SUMF1: variants seen among roughly 807,000 people sequenced by gnomAD.
SUMF1 encodes the protein sulfatase modifying factor 1.
A neutral mutation model predicts 47.6 loss-of-function variants in SUMF1; 48 were observed. The ratio of observed to expected loss-of-function variants is 1.01; its 90% CI spans 0.80 to 1.28. The LOEUF is 1.28. Ranked by LOEUF, SUMF1 falls within the 50% of genes most tolerant of loss-of-function variation. The pLI, the probability that SUMF1 is intolerant of heterozygous loss-of-function variation, is 0.00. For missense variants in SUMF1, 571 were observed against 485.4 expected, an observed-to-expected ratio of 1.18 and a Z score of -1.66; for synonymous variants, 230 against 192.1, an observed-to-expected ratio of 1.20 and a Z score of -1.63.
chr3:4,432,765 T>C (rs1702274082), intron 3 of SUMF1, among the ~76,000 whole-genome samples: 1 of 152,222 alleles, frequency 6.6e-6, no homozygotes, highest in Admixed American at 6.5e-5. Flanking sequence ...TGTTCCTTAT[T>C]AGAATTATAA....
intron 7 of SUMF1, among the ~76,000 whole-genome samples, chr3:4,380,192 G>A (rs1418541047): frequency 2.0e-5 from 3 of 152,144 alleles, no homozygotes; most frequent in Non-Finnish European, 4.4e-5. Context: ...GCAGTGGACT[G>A]GATAAAGAAA....
At chr3:4,436,574 G>A (rs1311523572) in intron 3 of SUMF1, among the ~76,000 whole-genome samples, 1 of 150,512 alleles carries the variant, frequency 6.6e-6, no homozygotes, top group Non-Finnish European at 1.5e-5. Flanking sequence ...AAAAATAATG[G>A]TTAAGAGTAG....
intron 8 of SUMF1, among the ~76,000 whole-genome samples, chr3:4,164,005 T>C (rs916520757): frequency 6.6e-6 from 1 of 152,130 alleles, no homozygotes; most frequent in African/African-American, 2.4e-5. Flanking sequence ...ATTTGATGAA[T>C]AGCTTGATGG....
At chr3:4,170,189 C>G (rs1292245994) in intron 8 of SUMF1, among the ~76,000 whole-genome samples, 1 of 152,080 alleles carries the variant, frequency 6.6e-6, no homozygotes, top group Non-Finnish European at 1.5e-5. Flanking sequence ...TTACAGAGAC[C>G]ACAGGGCCTG....
chr3:4,203,214 G>C (rs1180235228), intron 8 of SUMF1, among the ~76,000 whole-genome samples: 1 of 151,870 alleles, frequency 6.6e-6, no homozygotes, highest in Admixed American at 6.6e-5. Context: ...TATTGTATTG[G>C]GGTCTATCTT....
chr3:4,322,264 G>A (rs1296221925), intron 8 of SUMF1, among the ~76,000 whole-genome samples: 1 of 151,892 alleles, frequency 6.6e-6, no homozygotes, highest in Non-Finnish European at 1.5e-5. Flanking sequence ...TATCAATATT[G>A]GTTCTTAATT....
chr3:4,252,852 T>C (rs1039589883), intron 8 of SUMF1, among the ~76,000 whole-genome samples: 3 of 152,174 alleles, frequency 2.0e-5, no homozygotes, highest in Non-Finnish European at 4.4e-5. Flanking sequence ...AATTTGCACC[T>C]GTTTTTAATA....
Position 4,065,897 on chromosome 3 carries a change from C to G in SUMF1, c.1191+2672G>C, listed in dbSNP as rs2125030517. 2.6e-5 allele frequency among the ~76,000 whole-genome samples: 4 copies of G among 152,204 alleles called. 1 individual carries two copies. The South Asian group carries it at 8.3e-4, about 32-fold the overall frequency. The stretch of plus-strand genomic sequence containing the variant: ...TATGGCTTTCCATGGAGTGAGGAAC[C>G]AACCCTTGTGATATGACAGGGGAAA... On this transcript the variant is annotated intron_variant and NMD_transcript_variant, in intron 9 of 12. Coordinates refer to the SUMF1 transcript ENST00000448413.
At chr3:4,270,200 G>C (rs1697275658) in intron 8 of SUMF1, among the ~76,000 whole-genome samples, 1 of 151,854 alleles carries the variant, frequency 6.6e-6, no homozygotes, top group African/African-American at 2.4e-5. Flanking sequence ...AATGACCTTG[G>C]GCTCCTTATA....
intron 7 of SUMF1, among the ~76,000 whole-genome samples, chr3:4,408,366 G>C (rs1378827792): frequency 2.0e-5 from 3 of 152,130 alleles, no homozygotes; most frequent in South Asian, 2.1e-4. Context: ...ACAGTAAACT[G>C]TTAACATTAT....
chr3:4,195,932 A>T (rs572489481), intron 8 of SUMF1, among the ~76,000 whole-genome samples: 1 of 152,236 alleles, frequency 6.6e-6, no homozygotes, highest in African/African-American at 2.4e-5. Flanking sequence ...CACTAAGATT[A>T]CAAGGAAACA....
chr3:4,111,921 ATAATGT>A lies in SUMF1; in HGVS notation c.1015-43182_1015-43177del, dbSNP rs374522842. ...AGAGAAATTCTGGAGGAAATTTATA[ATAATGT>A]TAAAGAAAAAGTTGGTCACAAAGTG... On this transcript the variant is annotated intron_variant and NMD_transcript_variant, in intron 8 of 12. Transcript: ENST00000448413. 1.2e-3 allele frequency among the ~76,000 whole-genome samples: 183 copies of A among 152,276 alleles called. 3 individuals carry two copies. The highest frequency in any genetic ancestry group is 4.1e-3 in the African/African-American group (169 of 41,528).
chr3:4,379,649 C>T (rs932149450), intron 7 of SUMF1, among the ~76,000 whole-genome samples: 46 of 152,176 alleles, frequency 3.0e-4, no homozygotes, highest in Admixed American at 6.5e-4. Flanking sequence ...GGAGCCCACC[C>T]TGGCCAATAT....
intron 8 of SUMF1, among the ~76,000 whole-genome samples, chr3:4,076,470 C>G (rs1692436930): frequency 6.6e-6 from 1 of 152,000 alleles, no homozygotes; most frequent in East Asian, 1.9e-4. Flanking sequence ...AAAGCAATGG[C>G]AACAAAAGCC....
At chr3:4,169,937 TTAAAGAGGTTCTAAAA>T (rs1694796491) in intron 8 of SUMF1, among the ~76,000 whole-genome samples, 1 of 152,076 alleles carries the variant, frequency 6.6e-6, no homozygotes, top group Non-Finnish European at 1.5e-5. Context: ...AGGTTCTAAA[TTAAAGAGGTTCTAAAA>T]TGATGTAGAA....
chr3:4,156,154 G>T (rs547217401), intron 8 of SUMF1, among the ~76,000 whole-genome samples: 43 of 151,538 alleles, frequency 2.8e-4, no homozygotes, highest in Middle Eastern at 6.8e-3. Flanking sequence ...CTGACTTAAG[G>T]GTTCCTGCAG....
chr3:4,407,568 T>C (rs1701414052), intron 7 of SUMF1, among the ~76,000 whole-genome samples: 1 of 152,204 alleles, frequency 6.6e-6, no homozygotes, highest in Non-Finnish European at 1.5e-5. Flanking sequence ...ATTGGTATTA[T>C]TGTAGGGTCA....
chr3:4,076,374 C>A (rs1276556609), intron 8 of SUMF1, among the ~76,000 whole-genome samples: 1 of 152,054 alleles, frequency 6.6e-6, no homozygotes, highest in African/African-American at 2.4e-5. Context: ...AATGTAAGAC[C>A]TAAAACCATG....
intron 8 of SUMF1, among the ~76,000 whole-genome samples, chr3:4,370,368 C>T (rs923647): frequency 0.61 from 92,589 of 152,112 alleles, 31,191 homozygotes; most frequent in East Asian, 0.77. Context: ...GCCCTGCCAG[C>T]ATCTGAATGT....
Sources: allele counts gnomAD v4.1 joint callset (sites outside exome capture counted in the v4.1 genomes callset), GRCh38; gene constraint gnomAD v4.1.1; transcripts MANE v1.5; gene names NCBI Gene and HGNC (gene_info 2026-07-23, HGNC 2026-07-21).